Variants in CDH18 observed in about 807,000 individuals in gnomAD.
CDH18 encodes the protein cadherin 18.
Under a neutral mutation model 67.9 loss-of-function variants are expected in CDH18, and 31 were observed. That is an observed-to-expected ratio of 0.46 (90% CI 0.34 to 0.62). The LOEUF (loss-of-function observed/expected upper bound fraction) is 0.62, where lower values mean the gene tolerates loss of function less well. CDH18 is among the 20% of genes least tolerant of loss of function. The probability of loss-of-function intolerance (pLI) is 0.01; values close to 1 mark genes in which losing one functional copy is unlikely to be tolerated. For missense variants in CDH18, 890 were observed against 975.5 expected (o/e 0.91, Z 1.17); for synonymous variants, 362 against 347.2 (o/e 1.04, Z -0.48).
chr5:20,228,727 G>A (rs1741833404), intron 2 of CDH18, among the ~76,000 whole-genome samples: 1 of 151,964 alleles, frequency 6.6e-6, no homozygotes, highest in South Asian at 2.1e-4. Flanking sequence ...GTCTTTCTGT[G>A]CCTGGCTTAT....
At chr5:20,040,218 G>A (rs1740295929) in intron 2 of CDH18, among the ~76,000 whole-genome samples, 1 of 152,012 alleles carries the variant, frequency 6.6e-6, no homozygotes, top group South Asian at 2.1e-4. Flanking sequence ...TGGAGACCAT[G>A]GCACATGTAT....
chr5:20,516,292 G>A (rs1369581016), intron 1 of CDH18, among the ~76,000 whole-genome samples: 1 of 151,852 alleles, frequency 6.6e-6, no homozygotes. Context: ...TAAGCGCATA[G>A]GAGAACAAGA....
intron 7 of CDH18, among the ~76,000 whole-genome samples, chr5:19,576,674 T>C (rs963987912): frequency 5.3e-5 from 8 of 152,138 alleles, no homozygotes; most frequent in Admixed American, 5.2e-4. Flanking sequence ...TGGAAAAAAG[T>C]ATGAAGGTTC....
intron 2 of CDH18, among the ~76,000 whole-genome samples, chr5:19,971,742 A>G (rs1293496470): frequency 6.6e-6 from 1 of 151,900 alleles, no homozygotes; most frequent in Non-Finnish European, 1.5e-5. Context: ...ACAATTAATG[A>G]GTACTATGCT....
At chr5:20,297,210 C>A (rs1048804869) in intron 1 of CDH18, among the ~76,000 whole-genome samples, 1 of 152,046 alleles carries the variant, frequency 6.6e-6, no homozygotes, top group African/African-American at 2.4e-5. Context: ...GGTTTTTCCC[C>A]TTTCTTTCTA....
chr5:19,811,140 A>C lies in CDH18; in HGVS notation c.228+27619T>G, dbSNP rs868464119. 9.2e-4 allele frequency among the ~76,000 whole-genome samples: 110 copies of C among 119,832 alleles called. 1 individual carries two copies. The highest frequency in any genetic ancestry group is 1.4e-3 in the Non-Finnish European group (80 of 55,930). 78.6% of individuals were successfully genotyped at this position (119,832 alleles called of 152,430 possible). On this transcript the variant is annotated intron_variant, in intron 3 of 12. Coordinates refer to ENST00000382275, the MANE Select transcript of CDH18 (RefSeq NM_004934.5). ...AAAGAAAGAAAGAAAGAAAGAAAGA[A>C]AGAAAGAAAGAAAGAAAGAAGGAGA...
intron 3 of CDH18, among the ~76,000 whole-genome samples, chr5:19,835,353 A>G (rs114737003): frequency 0.01 from 1,553 of 152,098 alleles, 24 homozygotes; most frequent in African/African-American, 0.035. Context: ...GAAAAAACAC[A>G]CACCAGGGCC....
intron 2 of CDH18, among the ~76,000 whole-genome samples, chr5:20,117,092 G>A (rs536310678): frequency 6.6e-6 from 1 of 151,876 alleles, no homozygotes; most frequent in African/African-American, 2.4e-5. Context: ...CCATTGAAGA[G>A]AATTTGATTT....
In CDH18 at chr5:19,569,155, A is replaced by C. The variant is rs143583990; in HGVS notation, c.1253+2424T>G. 1.8e-4 allele frequency among the ~76,000 whole-genome samples: 28 copies of C among 152,304 alleles called. No homozygotes were observed. In the East Asian group the frequency reaches 5.2e-3, roughly 28 times the overall value. ...CCCTATTGGCATTGCTGCCAGGATT[A>C]ATTTCAAAGACCTTACCATTGCAGA... On this transcript the variant is annotated intron_variant, in intron 8 of 12. Coordinates refer to ENST00000382275, the MANE Select transcript of CDH18 (RefSeq NM_004934.5).
chr5:19,488,084 A>T, intron 11 of CDH18, among the ~76,000 whole-genome samples: 1 of 152,088 alleles, frequency 6.6e-6, no homozygotes, highest in Admixed American at 6.5e-5. Flanking sequence ...AGCTACTATT[A>T]TATGTCTCAT....
intron 5 of CDH18, among the ~76,000 whole-genome samples, chr5:19,682,243 A>C (rs1297805333): frequency 6.6e-6 from 1 of 152,070 alleles, no homozygotes; most frequent in Non-Finnish European, 1.5e-5. Flanking sequence ...AGGAGGGAAA[A>C]GTCTTCGCTG....
chr5:19,992,646 G>T (rs1431629306), upstream of CDH18, among the ~76,000 whole-genome samples: 1 of 152,080 alleles, frequency 6.6e-6, no homozygotes, highest in Non-Finnish European at 1.5e-5. Context: ...TGAACAGACT[G>T]CTAGAGGAGA....
intron 1 of CDH18, among the ~76,000 whole-genome samples, chr5:20,278,644 A>G (rs1160517691): frequency 6.6e-6 from 1 of 152,212 alleles, no homozygotes; most frequent in African/African-American, 2.4e-5. Context: ...TAAACTATTT[A>G]TAACTTCAGT....
At chr5:20,335,202 T>C (rs1179792616) in intron 1 of CDH18, among the ~76,000 whole-genome samples, 1 of 152,094 alleles carries the variant, frequency 6.6e-6, no homozygotes, top group Middle Eastern at 3.2e-3. Context: ...CTTATTTCTC[T>C]GTAGCAAGGT....
At chr5:20,099,911 G>A (rs2150574759) in intron 2 of CDH18, among the ~76,000 whole-genome samples, 1 of 152,156 alleles carries the variant, frequency 6.6e-6, no homozygotes, top group Middle Eastern at 3.4e-3. Flanking sequence ...TGCCTCCCAA[G>A]TAGCTGGGAT....
rs1189936031 is a variant in CDH18 at position 19,571,611 on chromosome 5, T to C, written c.1221A>G (p.Ala407=). The C allele has an allele frequency of 6.2e-7, 1 of 1,614,048 alleles. No homozygotes were observed. Among genetic ancestry groups the C allele is most frequent in the South Asian group, 1.1e-5 (1 of 91,084 alleles). ...KIGTVVGTVL[A]QDPDSTNSLV... ...AGCTGTTAGTACTGTCAGGATCTTG[T>C]GCCAAAACTGTACCAACGACGGTCC... The change falls in exon 8 of 13, where the codon GCA becomes GCG. Residue 407 remains alanine, a synonymous_variant. Coordinates refer to ENST00000382275, the MANE Select transcript of CDH18 (RefSeq NM_004934.5).
intron 1 of CDH18, among the ~76,000 whole-genome samples, chr5:20,474,948 A>C (rs1554006064): frequency 1.3e-5 from 2 of 152,208 alleles, no homozygotes; most frequent in Non-Finnish European, 2.9e-5. Context: ...GCAGAACCAC[A>C]TTACTTTAAA....
chr5:20,154,745 C>T (rs776067605), intron 2 of CDH18, among the ~76,000 whole-genome samples: 1 of 152,136 alleles, frequency 6.6e-6, no homozygotes, highest in Non-Finnish European at 1.5e-5. Context: ...ACATCATACG[C>T]TTTTGCTAAC....
At chr5:20,561,132 C>T (rs1201590520) in intron 1 of CDH18, among the ~76,000 whole-genome samples, 2 of 151,994 alleles carry the variant, frequency 1.3e-5, no homozygotes, top group South Asian at 2.1e-4. Flanking sequence ...TATGAAGCAA[C>T]AGGAACTTAC....
Sources: gnomAD v4.1 joint callset for allele counts (sites outside exome capture counted in the v4.1 genomes callset) on GRCh38, gnomAD v4.1.1 for gene constraint, MANE v1.5 for transcripts, NCBI Gene and HGNC (gene_info 2026-07-23, HGNC 2026-07-21) for gene names.